ZBTB1: variants seen among roughly 807,000 people sequenced by gnomAD.
ZBTB1 encodes zinc finger and BTB domain containing 1, also known as zinc finger and BTB domain-containing protein 1.
ZBTB1 carries 13 observed loss-of-function variants against 51.6 expected under a neutral mutation model. The observed-to-expected ratio is 0.25, with a 90% CI of 0.16 to 0.40. ZBTB1 has a LOEUF of 0.40. Among genes scored for constraint, ZBTB1 ranks in the 10% least tolerant of loss-of-function variants. ZBTB1 has a pLI of 1.00. For synonymous variants in ZBTB1, 240 were observed against 282.2 expected, an observed-to-expected ratio of 0.85 and a Z score of 1.50; for missense variants, 567 against 856.5, an observed-to-expected ratio of 0.66 and a Z score of 4.22.
At chr14:64,505,049 C>T in intron 1 of ZBTB1, 103 bp downstream of exon 1, 1 of 375,796 alleles carries the variant, frequency 2.7e-6, no homozygotes, top group Non-Finnish European at 4.7e-6. Context: ...GGGCGCCGAT[C>T]CGTGCGGGGA....
At position 64,521,747 on chromosome 14, in the gene ZBTB1, T is replaced by C. The variant is rs1381317952; in HGVS notation, c.243T>C (p.Phe81=). The C allele has an allele frequency of 1.9e-6, 3 of 1,613,344 alleles. No homozygotes were observed. Among genetic ancestry groups the C allele is most frequent in the African/African-American group, 2.7e-5 (2 of 74,948 alleles). ...SAECFDLILQ[F]MYLGKIMTAP... is the part of the protein sequence containing the mutation. Reference sequence around the variant, plus strand: ...AATGTTTTGATCTCATTTTGCAGTTTATGTATTTAGGAAAAATTATGACAG... The same window carrying C: ...AATGTTTTGATCTCATTTTGCAGTTCATGTATTTAGGAAAAATTATGACAG... Residue 81 remains phenylalanine, a synonymous_variant, in exon 2 of 2, where the codon TTT becomes TTC. Coordinates refer to ENST00000683701, the MANE Select transcript of ZBTB1 (RefSeq NM_001123329.2).
Position 64,522,921 on chromosome 14 carries a change from C to A in ZBTB1, c.1417C>A (p.Pro473Thr), listed in dbSNP as rs1179346943. 2 of 1,614,134 alleles carry A rather than the reference C, an allele frequency of 1.2e-6. No homozygotes were observed. The highest frequency in any genetic ancestry group is 3.3e-5 in the Admixed American group (2 of 60,010). The change falls in exon 2 of 2, where the codon CCC (proline) becomes ACC (threonine). Residue 473 changes from proline (P) to threonine (T), a missense_variant. By Grantham distance (38) the Pro-to-Thr change is conservative. Around this residue, in one of 5 missense-constraint regions of ZBTB1, gnomAD observed 329 missense variants for 406.3 expected, o/e 0.81. Transcript: ENST00000683701. ...LQEHAQRCGEPQDLTMNGLGN... is the reference protein window; with the variant it reads ...LQEHAQRCGETQDLTMNGLGN... ...GGAACATGCTCAACGATGTGGCGAG[C>A]CCCAAGATCTGACCATGAATGGGTT... is the stretch of plus-strand genomic sequence containing the variant.
chr14:64,522,980 G>C lies in ZBTB1; in HGVS notation c.1476G>C (p.Glu492Asp). 1.2e-6 allele frequency: 2 copies of C among 1,614,226 alleles called. No homozygotes were observed. Among genetic ancestry groups the C allele is most frequent in the Non-Finnish European group, 1.7e-6 (2 of 1,180,040 alleles). Residue 492 changes from glutamate (E) to aspartate (D), a missense_variant, in exon 2 of 2, where the codon GAG becomes GAC. Glu to Asp is a conservative substitution (Grantham distance 45). Coordinates refer to ENST00000683701, the MANE Select transcript of ZBTB1 (RefSeq NM_001123329.2). ...CTGAGGAGAAAATGGACTTGGAAGA[G>C]AATCCTGATGAGCAGTCCGAAATAA... ...GNTEEKMDLEENPDEQSEIRD... is the reference protein window; with the variant it reads ...GNTEEKMDLEDNPDEQSEIRD...
intron 1 of ZBTB1, chr14:64,516,490 A>G (rs933105554): frequency 6.6e-6 from 1 of 152,246 alleles, no homozygotes; most frequent in South Asian, 2.1e-4. Context: ...TTCAGCTTCC[A>G]TTTGTTCAGC....
chr14:64,521,501 G>T lies in ZBTB1; in HGVS notation c.-4G>T, dbSNP rs377187648. The T allele has an allele frequency of 6.3e-7, 1 of 1,581,704 alleles. No individual in the cohort carries two copies. Among genetic ancestry groups the T allele is most frequent in the Non-Finnish European group, 8.6e-7 (1 of 1,163,306 alleles). On this transcript the variant is annotated 5_prime_UTR_variant, in exon 2 of 2. Coordinates refer to ENST00000683701, the MANE Select transcript of ZBTB1 (RefSeq NM_001123329.2). ...GTTTTACATAGGTCTCTAATTAACA[G>T]AAGATGGCAAAGCCCAGCCACAGCA... is the stretch of plus-strand genomic sequence containing the variant.
chr14:64,504,624 A>T, upstream of ZBTB1: 1 of 303,232 alleles, frequency 3.3e-6, no homozygotes, highest in Non-Finnish European at 6.0e-6. Flanking sequence ...CCTAGCAGCC[A>T]GCGGCAGAGT....
At chr14:64,507,557 C>T (rs1378993305) in intron 1 of ZBTB1, among the ~76,000 whole-genome samples, 3 of 152,160 alleles carry the variant, frequency 2.0e-5, no homozygotes, top group Admixed American at 6.5e-5. Flanking sequence ...CTCACTCTGC[C>T]TGGGGATGGC....
chr14:64,516,448 G>A (rs2140130623), intron 1 of ZBTB1, among the ~76,000 whole-genome samples: 1 of 152,274 alleles, frequency 6.6e-6, no homozygotes, highest in Middle Eastern at 3.4e-3. Flanking sequence ...AAAAACTGTT[G>A]TGTTAGGATT....
At chr14:64,504,382 CTG>C (rs2140048827), upstream of ZBTB1, 1 of 152,692 alleles carries the variant, frequency 6.5e-6, no homozygotes, top group East Asian at 1.9e-4. Flanking sequence ...GGTCTGACAT[CTG>C]GACGGAGTGG....
At chr14:64,507,019 A>G (rs1296169652) in intron 1 of ZBTB1, among the ~76,000 whole-genome samples, 1 of 152,194 alleles carries the variant, frequency 6.6e-6, no homozygotes, top group Non-Finnish European at 1.5e-5. Flanking sequence ...TCTTTGTAGC[A>G]TCATTTCCCT....
intron 1 of ZBTB1, among the ~76,000 whole-genome samples, chr14:64,520,745 G>T (rs995071681): frequency 8.5e-5 from 13 of 152,078 alleles, no homozygotes; most frequent in Non-Finnish European, 1.5e-4. Flanking sequence ...ATGAGCAATA[G>T]CTCCTTAGTA....
intron 1 of ZBTB1, among the ~76,000 whole-genome samples, chr14:64,509,157 C>T (rs543329786): frequency 1.9e-4 from 29 of 152,308 alleles, no homozygotes; most frequent in African/African-American, 6.7e-4. Flanking sequence ...ATTGTTTGAT[C>T]TCAGGAGTTT....
At chr14:64,505,019 G>C (rs2079620328) in intron 1 of ZBTB1, 73 bp downstream of exon 1, 1 of 387,086 alleles carries the variant, frequency 2.6e-6, no homozygotes, top group Non-Finnish European at 4.6e-6. Context: ...CCGCGGGCCT[G>C]GCGGAGTGCG....
chr14:64,528,800 C>T (rs760135116), downstream of ZBTB1, among the ~76,000 whole-genome samples: 1 of 152,166 alleles, frequency 6.6e-6, no homozygotes, highest in Non-Finnish European at 1.5e-5. Flanking sequence ...AAGTATCATA[C>T]TAATTTTCCA....
chr14:64,517,483 T>C (rs1042865467), intron 1 of ZBTB1, among the ~76,000 whole-genome samples: 4 of 152,110 alleles, frequency 2.6e-5, no homozygotes, highest in Non-Finnish European at 4.4e-5. Flanking sequence ...AAATAATACC[T>C]ATCCCTCTGC....
rs2140194658 is a variant in ZBTB1, at chr14:64,531,775, T to C, written c.1899-86T>C. 3 of 1,559,138 alleles carry C rather than the reference T, an allele frequency of 1.9e-6. No homozygotes were observed. In the East Asian group the frequency reaches 6.8e-5, roughly 35 times the overall value. On this transcript the variant is annotated intron_variant, in intron 2 of 2. Coordinates refer to the ZBTB1 transcript ENST00000358738. ...TGGCCTAGTGCCAAAGCCAAGAAAT[T>C]CTGATCTAAGAATTATGTTGTATCT... is the stretch of plus-strand genomic sequence containing the variant.
At position 64,524,769 on chromosome 14, in the gene ZBTB1, A is replaced by G. The variant is rs757726323; in HGVS notation, c.*1123A>G. 257 of 981,092 alleles carry G rather than the reference A, an allele frequency of 2.6e-4. No individual in the cohort carries two copies. The highest frequency in any genetic ancestry group is 3.0e-4 in the Non-Finnish European group (245 of 826,114). The allele number at this position is 981,092 out of a possible 1,614,324, so 60.8% of individuals were successfully genotyped here. A position where few individuals can be genotyped will look rare whatever the true frequency, so the allele number is the denominator to read the frequency against. ...ATATTTTATTATCATTTTTTTCTGT[A>G]AAAGACTATAAAACTTGAGGATTAT... is the stretch of plus-strand genomic sequence containing the variant. On this transcript the variant is annotated 3_prime_UTR_variant, in exon 2 of 2. Coordinates refer to ENST00000683701, the MANE Select transcript of ZBTB1 (RefSeq NM_001123329.2).
chr14:64,511,138 A>T (rs1363564671), intron 1 of ZBTB1: 1 of 152,214 alleles, frequency 6.6e-6, no homozygotes, highest in African/African-American at 2.4e-5. Flanking sequence ...CAGAATTAGT[A>T]CTTTGAAATA....
chr14:64,522,782 T>G lies in ZBTB1; in HGVS notation c.1278T>G (p.Cys426Trp). Residue 426 changes from cysteine to tryptophan, a missense_variant, in exon 2 of 2, where the codon TGT (cysteine) becomes TGG (tryptophan). Around this residue, in one of 5 missense-constraint regions of ZBTB1, gnomAD observed 329 missense variants for 406.3 expected, o/e 0.81. Coordinates refer to ENST00000683701, the MANE Select transcript of ZBTB1 (RefSeq NM_001123329.2). ...CTGAAAATGCATCTTGTGAGCTGTG[T>G]GGACTTACAATAACCGAGGAGGACC... ...EDAENASCEL[C>W]GLTITEEDLS... 6.2e-7 allele frequency: 1 copy of G among 1,614,226 alleles called. No homozygotes were observed. Among genetic ancestry groups the G allele is most frequent in the Non-Finnish European group, 8.5e-7 (1 of 1,180,030 alleles).
Sources: allele counts gnomAD v4.1 joint callset (sites outside exome capture counted in the v4.1 genomes callset), GRCh38; gene constraint gnomAD v4.1.1; regional missense constraint gnomAD v4.1.1; transcripts MANE v1.5; gene names NCBI Gene and HGNC (gene_info 2026-07-23, HGNC 2026-07-21).